The following KCNH5 variants were observed in gnomAD, a reference collection of about 807,000 sequenced individuals.
KCNH5 encodes voltage-gated delayed rectifier potassium channel KCNH5.
In KCNH5, 46 loss-of-function variants were observed where a neutral mutation model predicts 96.1. The ratio of observed to expected loss-of-function variants is 0.48; its 90% CI spans 0.38 to 0.61. The LOEUF (loss-of-function observed/expected upper bound fraction) is 0.61, where lower values mean the gene tolerates loss of function less well. Among genes scored for constraint, KCNH5 ranks in the 20% least tolerant of loss-of-function variants. The pLI, the probability that KCNH5 is intolerant of heterozygous loss-of-function variation, is 0.00. For synonymous variants in KCNH5, 439 were observed against 449.8 expected, an observed-to-expected ratio of 0.98 and a Z score of 0.30; for missense variants, 907 against 1,225.8, an observed-to-expected ratio of 0.74 and a Z score of 3.88.
intron 10 of KCNH5, among the ~76,000 whole-genome samples, chr14:62,757,631 G>C (rs1411468408): frequency 6.7e-6 from 1 of 148,398 alleles, no homozygotes; most frequent in African/African-American, 2.5e-5. Flanking sequence ...AAAACCAAAA[G>C]AATGAGATCC....
At chr14:62,828,439 T>C (rs1039228946) in intron 8 of KCNH5, among the ~76,000 whole-genome samples, 1 of 152,166 alleles carries the variant, frequency 6.6e-6, no homozygotes, top group Non-Finnish European at 1.5e-5. Context: ...GAGATGAGGT[T>C]TAATTGATTC....
At chr14:62,808,901 T>C (rs1240658749) in intron 8 of KCNH5, among the ~76,000 whole-genome samples, 3 of 152,092 alleles carry the variant, frequency 2.0e-5, no homozygotes, top group African/African-American at 7.2e-5. Context: ...TATAGAACTC[T>C]AGCAGGTGTT....
At chr14:62,996,709 T>C (rs1036375912) in intron 4 of KCNH5, among the ~76,000 whole-genome samples, 1 of 152,176 alleles carries the variant, frequency 6.6e-6, no homozygotes, top group African/African-American at 2.4e-5. Flanking sequence ...TTGCCGACTT[T>C]GAGTTTCCAT....
intron 6 of KCNH5, among the ~76,000 whole-genome samples, chr14:62,959,860 T>C (rs766139318): frequency 3.9e-5 from 6 of 152,186 alleles, no homozygotes; most frequent in Non-Finnish European, 7.4e-5. Context: ...ATCTCTCTCC[T>C]CTATCTACGG....
chr14:63,045,085 G>A, intron 1 of KCNH5, 29 bp downstream of exon 1: 2 of 1,566,454 alleles, frequency 1.3e-6, no homozygotes, highest in Non-Finnish European at 1.8e-6. Flanking sequence ...GATGGAGGTG[G>A]GGGTGTTCTG....
chr14:62,827,246 C>T (rs1424903217), intron 8 of KCNH5, among the ~76,000 whole-genome samples: 1 of 152,098 alleles, frequency 6.6e-6, no homozygotes, highest in African/African-American at 2.4e-5. Context: ...AATGTTTCCC[C>T]AATAATATCT....
chr14:62,782,687 T>G (rs1372824998), intron 9 of KCNH5, among the ~76,000 whole-genome samples: 2 of 152,142 alleles, frequency 1.3e-5, no homozygotes, highest in Non-Finnish European at 2.9e-5. Context: ...GGTGGGTGCC[T>G]GTAGTCCTAG....
At chr14:62,902,802 C>T (rs1023127870) in intron 7 of KCNH5, among the ~76,000 whole-genome samples, 1 of 151,844 alleles carries the variant, frequency 6.6e-6, no homozygotes, top group African/African-American at 2.4e-5. Flanking sequence ...TCACTGCAAC[C>T]TCTACCTCCA....
At chr14:62,891,311 A>G (rs946767391) in intron 7 of KCNH5, among the ~76,000 whole-genome samples, 1 of 152,236 alleles carries the variant, frequency 6.6e-6, no homozygotes, top group Admixed American at 6.5e-5. Context: ...AGGAACAGAT[A>G]ACCAAATACC....
chr14:62,871,841 G>A (rs1888261669), intron 7 of KCNH5, among the ~76,000 whole-genome samples: 1 of 152,126 alleles, frequency 6.6e-6, no homozygotes, highest in East Asian at 1.9e-4. Flanking sequence ...ACATATCTCA[G>A]AAGAAGACTA....
chr14:62,917,839 T>G (rs964015216), intron 7 of KCNH5, among the ~76,000 whole-genome samples: 33 of 152,196 alleles, frequency 2.2e-4, no homozygotes, highest in Admixed American at 4.6e-4. Context: ...TCCACTGAAA[T>G]TTCTTTCAAA....
chr14:62,801,808 C>G (rs186141792), intron 9 of KCNH5, among the ~76,000 whole-genome samples: 1 of 152,270 alleles, frequency 6.6e-6, no homozygotes, highest in Admixed American at 6.5e-5. Flanking sequence ...CTCCTCCACA[C>G]TTTCAGCTCA....
intron 7 of KCNH5, among the ~76,000 whole-genome samples, chr14:62,899,930 T>A (rs546512428): frequency 6.6e-6 from 1 of 152,346 alleles, no homozygotes; most frequent in African/African-American, 2.4e-5. Context: ...TTTTCATATT[T>A]TAATATCTCT....
intron 10 of KCNH5, among the ~76,000 whole-genome samples, chr14:62,724,167 G>A (rs1054370390): frequency 6.6e-6 from 1 of 152,190 alleles, no homozygotes; most frequent in Non-Finnish European, 1.5e-5. Context: ...ATTAGAAATA[G>A]CACTGGTTAT....
intron 10 of KCNH5, among the ~76,000 whole-genome samples, chr14:62,745,016 A>G (rs1885346891): frequency 6.6e-6 from 1 of 152,234 alleles, no homozygotes; most frequent in Admixed American, 6.5e-5. Flanking sequence ...GGGTACATCC[A>G]GACTGCAATT....
At chr14:62,786,176 G>C (rs1012710874) in intron 9 of KCNH5, among the ~76,000 whole-genome samples, 2 of 152,132 alleles carry the variant, frequency 1.3e-5, no homozygotes, top group African/African-American at 4.8e-5. Context: ...GGGTGACAGA[G>C]CAAGACTCAG....
At chr14:62,816,859 G>A (rs543564922) in intron 8 of KCNH5, among the ~76,000 whole-genome samples, 232 of 150,996 alleles carry the variant, frequency 1.5e-3, no homozygotes, top group African/African-American at 5.4e-3. Flanking sequence ...TTCTCAAACC[G>A]AATATTTTCA....
At position 63,016,844 on chromosome 14, in the gene KCNH5, T is replaced by A. The variant is rs763344071; in HGVS notation, c.184A>T (p.Ser62Cys). 4 of 1,610,472 alleles carry A rather than the reference T, an allele frequency of 2.5e-6. No individual in the cohort carries two copies. The East Asian group carries it at 8.9e-5, about 36-fold the overall frequency. The stretch of plus-strand genomic sequence containing the variant: ...TCTGTTACCTACCTGCAAGTGCTGC[T>A]TTTCTGCATGACGTCAGCTCGATGA... The part of the protein sequence containing the change: ...GYHRADVMQK[S>C]STCSFMYGEL... The change falls in exon 2 of 11, where the codon AGC (serine) becomes TGC (cysteine). Residue 62 changes from serine to cysteine, a missense_variant. Coordinates refer to ENST00000322893, the MANE Select transcript of KCNH5 (RefSeq NM_139318.5).
intron 7 of KCNH5, among the ~76,000 whole-genome samples, chr14:62,922,184 T>TTACTTGA: frequency 6.6e-6 from 1 of 152,058 alleles, no homozygotes; most frequent in African/African-American, 2.4e-5. Context: ...GAAAATAATT[T>TTACTTGA]TACTTGATTT....
Sources: allele counts gnomAD v4.1 joint callset (sites outside exome capture counted in the v4.1 genomes callset), GRCh38; gene constraint gnomAD v4.1.1; transcripts MANE v1.5; gene names NCBI Gene and HGNC (gene_info 2026-07-23, HGNC 2026-07-21).